VTA1: variants seen among roughly 807,000 people sequenced by gnomAD.
VTA1 encodes vesicle trafficking 1.
A neutral mutation model predicts 36.9 loss-of-function variants in VTA1; 24 were observed. That is an observed-to-expected ratio of 0.65 (90% CI 0.47 to 0.91). The LOEUF (loss-of-function observed/expected upper bound fraction) is 0.91. VTA1 is among the 40% of genes least tolerant of loss of function. VTA1 has a pLI of 0.00. For synonymous variants in VTA1, 142 were observed against 130.2 expected (o/e 1.09, Z -0.62); for missense variants, 393 against 377.2 (o/e 1.04, Z -0.35).
chr6:142,170,475 TTATC>T (rs1193647904), intron 4 of VTA1, 54 bp downstream of exon 4: 1 of 1,209,312 alleles, frequency 8.3e-7, no homozygotes, highest in Non-Finnish European at 1.2e-6. Context: ...ATGTTTCTGT[TTATC>T]AATATTGTTA....
chr6:142,196,378 T>C (rs1437997093), intron 5 of VTA1, among the ~76,000 whole-genome samples: 1 of 152,188 alleles, frequency 6.6e-6, no homozygotes, highest in Non-Finnish European at 1.5e-5. Flanking sequence ...TTTGTCATCC[T>C]TTTAGTTTAA....
Position 142,209,482 on chromosome 6 carries a change from G to T in VTA1, c.778+5417G>T, listed in dbSNP as rs576220055. On this transcript the variant is annotated intron_variant, in intron 7 of 7. Transcript: ENST00000367630. ...AAAAAATATAAAATACCTGGGAATC[G>T]ATCTAACTAAAGCAGTTAGTTATTA... Among the ~76,000 whole-genome samples the T allele has an allele frequency of 1.1e-4, 16 of 150,168 alleles. No homozygotes were observed. In the South Asian group the frequency reaches 3.4e-3, roughly 32 times the overall value.
chr6:142,169,530 T>G lies in VTA1; in HGVS notation c.208-20T>G, dbSNP rs747730581. On this transcript the variant is annotated intron_variant, in intron 2 of 7. Transcript: ENST00000367630. ...TCTGAGAGTCCAAAATCATAAGCTA[T>G]GTATCTGATTTTATTTTAGCTAAAG... 2 of 1,604,890 alleles carry G rather than the reference T, an allele frequency of 1.2e-6. No individual in the cohort carries two copies. The highest frequency in any genetic ancestry group is 2.3e-5 in the South Asian group (2 of 88,390).
rs1052328295 is a variant in VTA1 at position 142,198,474 on chromosome 6, C to G, written c.556C>G (p.Leu186Val). 1.9e-6 allele frequency: 3 copies of G among 1,613,930 alleles called. No individual in the cohort carries two copies. In the African/African-American group the frequency reaches 4.0e-5, roughly 22 times the overall value. ...EENEDAGAAS[L>V]PTQPTQPSSS... ...AAATGAAGATGCTGGAGCAGCCTCTCTGCCCACTCAGCCAACTCAGCCATC... is the reference window on the plus strand; with the variant it reads ...AAATGAAGATGCTGGAGCAGCCTCTGTGCCCACTCAGCCAACTCAGCCATC... The change falls in exon 6 of 8, where the codon CTG (leucine) becomes GTG (valine). Residue 186 changes from leucine to valine, a missense_variant. By Grantham distance (32) the Leu-to-Val change is conservative. Coordinates refer to ENST00000367630, the MANE Select transcript of VTA1 (RefSeq NM_016485.5).
intron 7 of VTA1, among the ~76,000 whole-genome samples, chr6:142,217,753 T>C (rs1205957994): frequency 6.6e-6 from 1 of 152,028 alleles, no homozygotes; most frequent in Non-Finnish European, 1.5e-5. Context: ...AAAATGGTGG[T>C]TATTTCAAAA....
chr6:142,155,344 C>A (rs1384165393), intron 1 of VTA1, among the ~76,000 whole-genome samples: 1 of 151,984 alleles, frequency 6.6e-6, no homozygotes, highest in Non-Finnish European at 1.5e-5. Flanking sequence ...TTTAGTAAGA[C>A]CTTTATGCAG....
chr6:142,169,314 A>T (rs931328904), intron 2 of VTA1, among the ~76,000 whole-genome samples: 6 of 152,214 alleles, frequency 3.9e-5, no homozygotes, highest in Admixed American at 3.9e-4. Flanking sequence ...TGTTAGAGCT[A>T]AATTATATTT....
chr6:142,188,225 C>CTTTTTTTTTTT (rs200348683), intron 4 of VTA1, among the ~76,000 whole-genome samples: 8 of 78,960 alleles, frequency 1.0e-4, no homozygotes, highest in Non-Finnish European at 1.6e-4. Flanking sequence ...TTCTTTATTT[C>CTTTTTTTTTTT]TTTTTTTTTT....
At chr6:142,152,839 G>A (rs996972588) in intron 1 of VTA1, among the ~76,000 whole-genome samples, 2 of 151,676 alleles carry the variant, frequency 1.3e-5, no homozygotes, top group African/African-American at 4.8e-5. Context: ...ACTTTTTTTT[G>A]TGAGAAAAAA....
At chr6:142,155,298 C>T (rs1778643183) in intron 1 of VTA1, among the ~76,000 whole-genome samples, 1 of 152,060 alleles carries the variant, frequency 6.6e-6, no homozygotes, top group Non-Finnish European at 1.5e-5. Context: ...TCAGTAATTC[C>T]AGTTTGGGGA....
intron 5 of VTA1, among the ~76,000 whole-genome samples, chr6:142,198,051 C>T (rs1169491892): frequency 6.7e-6 from 1 of 149,550 alleles, no homozygotes; most frequent in Non-Finnish European, 1.5e-5. Context: ...GAGCTGAGAT[C>T]ACGCCACTGC....
chr6:142,217,491 A>G (rs1031035480), intron 7 of VTA1, among the ~76,000 whole-genome samples: 1 of 151,752 alleles, frequency 6.6e-6, no homozygotes, highest in South Asian at 2.1e-4. Context: ...TGGAGTTGCT[A>G]CCTAGTTTGA....
intron 7 of VTA1, among the ~76,000 whole-genome samples, chr6:142,213,126 T>C (rs1775934905): frequency 6.6e-6 from 1 of 152,198 alleles, no homozygotes; most frequent in South Asian, 2.1e-4. Context: ...ACAAGTTAGT[T>C]ACTTCTGAGA....
intron 7 of VTA1, among the ~76,000 whole-genome samples, chr6:142,210,392 C>T (rs1775880763): frequency 1.3e-5 from 2 of 151,964 alleles, no homozygotes; most frequent in Admixed American, 6.6e-5. Context: ...TGTAAGACCT[C>T]GAAAGCATAG....
intron 5 of VTA1, among the ~76,000 whole-genome samples, chr6:142,193,707 TTCTTTGGTA>T (rs1775494973): frequency 6.6e-6 from 1 of 151,682 alleles, no homozygotes; most frequent in Non-Finnish European, 1.5e-5. Context: ...CAAATTAACA[TTCTTTGGTA>T]TCTAGTATAC....
At chr6:142,188,738 G>C (rs1470488617) in intron 4 of VTA1, among the ~76,000 whole-genome samples, 1 of 101,762 alleles carries the variant, frequency 9.8e-6, no homozygotes, top group Non-Finnish European at 2.2e-5. Context: ...AATTCTAAGA[G>C]ATTTTTATAT....
chr6:142,218,790 G>A lies in VTA1; in HGVS notation c.*147G>A. ...AATCTGTGTGTATCAGATTTTTATT[G>A]AAGCATTCATCAGCAGCCTCAACCA... On this transcript the variant is annotated 3_prime_UTR_variant, in exon 8 of 8. Coordinates refer to ENST00000367630, the MANE Select transcript of VTA1 (RefSeq NM_016485.5). 1.1e-6 allele frequency: 1 copy of A among 942,508 alleles called. No homozygotes were observed. Among genetic ancestry groups the A allele is most frequent in the Non-Finnish European group, 1.5e-6 (1 of 674,580 alleles). 58.4% of individuals were successfully genotyped at this position (942,508 alleles called of 1,614,324 possible). A position where few individuals can be genotyped will look rare whatever the true frequency, so the allele number is the denominator to read the frequency against.
chr6:142,157,551 GAAAAA>G (rs1164789931), intron 1 of VTA1, among the ~76,000 whole-genome samples: 1 of 151,938 alleles, frequency 6.6e-6, no homozygotes. Context: ...CATCTCTTTA[GAAAAA>G]ACCGTAAAGT....
At chr6:142,148,410 C>T (rs1778500556) in intron 1 of VTA1, among the ~76,000 whole-genome samples, 1 of 152,200 alleles carries the variant, frequency 6.6e-6, no homozygotes, top group Non-Finnish European at 1.5e-5. Flanking sequence ...AATGTCACCA[C>T]TTCTGTGGGC....
Sources: allele counts gnomAD v4.1 joint callset (sites outside exome capture counted in the v4.1 genomes callset), GRCh38; gene constraint gnomAD v4.1.1; transcripts MANE v1.5; gene names NCBI Gene and HGNC (gene_info 2026-07-23, HGNC 2026-07-21).